Variants in ZNF267 observed in about 807,000 individuals in gnomAD.
ZNF267 encodes the protein zinc finger protein 267, also known as zinc finger (C2H2).
A neutral mutation model predicts 71.6 loss-of-function variants in ZNF267; 61 were observed. The observed-to-expected ratio is 0.85, with a 90% CI of 0.69 to 1.05. ZNF267 has a LOEUF of 1.05. ZNF267 is among the 50% of genes least tolerant of loss of function. The pLI is 0.00. For missense variants in ZNF267, 852 were observed against 870.0 expected (o/e 0.98, Z 0.26); for synonymous variants, 288 against 293.2 (o/e 0.98, Z 0.18).
Position 31,915,983 on chromosome 16 carries a change from T to A in ZNF267, c.1734T>A (p.Cys578Ter). The A allele has an allele frequency of 6.2e-7, 1 of 1,612,630 alleles. No homozygotes were observed. The highest frequency in any genetic ancestry group is 8.5e-7 in the Non-Finnish European group (1 of 1,178,952). The change falls in exon 4 of 4, where the codon TGT (cysteine) becomes TGA (stop). Residue 578 changes from cysteine (C) to a stop codon, truncating the protein, a stop_gained. Coordinates refer to ENST00000300870, the MANE Select transcript of ZNF267 (RefSeq NM_003414.6). LOFTEE classifies it high-confidence loss of function. ...RIHTGEKPYK[C>*]KACSKSFSDS... is the part of the protein sequence containing the mutation. ...ATACTGGAGAAAAACCATACAAATG[T>A]AAAGCATGTAGCAAATCTTTTAGTG... is the stretch of plus-strand genomic sequence containing the variant.
At position 31,914,581 on chromosome 16, in the gene ZNF267, T is replaced by C; in HGVS notation, c.332T>C (p.Leu111Ser). 1 of 1,614,138 alleles carries C rather than the reference T, an allele frequency of 6.2e-7. No individual in the cohort carries two copies. The highest frequency in any genetic ancestry group is 1.3e-5 in the African/African-American group (1 of 75,046). ...CATGGGAGCTGTGATCTTGAGAATT[T>C]ACATTTAAGAAAAAGGTGGAAAAGG... ...RRHGSCDLENLHLRKRWKREE... is the reference protein window; with the variant it reads ...RRHGSCDLENSHLRKRWKREE... The change falls in exon 4 of 4, where the codon TTA becomes TCA. Residue 111 changes from leucine (L) to serine (S), a missense_variant. Leu to Ser is a moderately radical substitution (Grantham distance 145, BLOSUM62 -2). Transcript: ENST00000300870.
chr16:31,899,141 A>G (rs1177013086), intron 3 of ZNF267, among the ~76,000 whole-genome samples: 2 of 152,204 alleles, frequency 1.3e-5, no homozygotes, highest in Non-Finnish European at 2.9e-5. Context: ...AAAATTAACA[A>G]GGATATCTAG....
intron 1 of ZNF267, chr16:31,874,230 C>T (rs1022040787): frequency 8.8e-6 from 4 of 455,478 alleles, no homozygotes; most frequent in Non-Finnish European, 1.6e-5. Context: ...TGGGCAGCTC[C>T]GCGTCGCAGC....
intron 3 of ZNF267, among the ~76,000 whole-genome samples, chr16:31,905,060 G>C (rs1280874969): frequency 6.6e-6 from 1 of 152,090 alleles, no homozygotes; most frequent in Admixed American, 6.6e-5. Context: ...AGTTTGGCTG[G>C]ATATGAAATT....
At chr16:31,878,926 T>C (rs2083871456) in intron 1 of ZNF267, among the ~76,000 whole-genome samples, 1 of 152,106 alleles carries the variant, frequency 6.6e-6, no homozygotes, top group South Asian at 2.1e-4. Flanking sequence ...TTCTTGAAAA[T>C]AAGGAAAGAA....
intron 3 of ZNF267, among the ~76,000 whole-genome samples, chr16:31,885,466 G>A (rs910581313): frequency 2.6e-5 from 4 of 152,150 alleles, no homozygotes; most frequent in South Asian, 2.1e-4. Flanking sequence ...TCTGTGATCC[G>A]CCATCATATT....
chr16:31,880,682 A>G (rs2083883784), intron 1 of ZNF267, among the ~76,000 whole-genome samples: 1 of 152,208 alleles, frequency 6.6e-6, no homozygotes, highest in Non-Finnish European at 1.5e-5. Context: ...TCCGTCTCAG[A>G]GGGAGAAGAA....
chr16:31,883,098 AT>A lies in ZNF267; in HGVS notation c.4-1399del, dbSNP rs2083900944. On this transcript the variant is annotated intron_variant, in intron 1 of 3. Transcript: ENST00000300870. Reference sequence around the variant, plus strand: ...TTATTTCATCTCATGTCACAAGCATATGCTTATTTATTCTCTATATTTTCAG... The same window carrying A: ...TTATTTCATCTCATGTCACAAGCATAGCTTATTTATTCTCTATATTTTCAG... Among the ~76,000 whole-genome samples the A allele has an allele frequency of 7.9e-5, 12 of 152,360 alleles. No homozygotes were observed. The South Asian group carries it at 2.5e-3, about 32-fold the overall frequency.
At chr16:31,912,743 C>T (rs2084144722) in intron 3 of ZNF267, 1 of 151,616 alleles carries the variant, frequency 6.6e-6, no homozygotes, top group Admixed American at 6.6e-5. Context: ...TTCAAATTGC[C>T]TATGTTCAAG....
intron 3 of ZNF267, among the ~76,000 whole-genome samples, chr16:31,889,410 C>T (rs1021038800): frequency 6.6e-6 from 1 of 152,064 alleles, no homozygotes; most frequent in African/African-American, 2.4e-5. Context: ...TCATTTTATA[C>T]TTCTGTCTTA....
chr16:31,885,331 T>C (rs534813862), intron 3 of ZNF267, 75 bp downstream of exon 3: 2 of 1,323,140 alleles, frequency 1.5e-6, no homozygotes, highest in East Asian at 2.6e-5. Context: ...CCTTGAAGTG[T>C]GGATTGGGAA....
At chr16:31,874,177 C>T in intron 1 of ZNF267, 1 of 546,994 alleles carries the variant, frequency 1.8e-6, no homozygotes. Context: ...CCTGTCCCAT[C>T]CCGACCCCGC....
chr16:31,895,951 A>G (rs2083995065), intron 3 of ZNF267, among the ~76,000 whole-genome samples: 2 of 152,104 alleles, frequency 1.3e-5, no homozygotes. Context: ...TTCATTTTGT[A>G]TTTAAACTCT....
chr16:31,888,910 G>A (rs2083941340), intron 3 of ZNF267, among the ~76,000 whole-genome samples: 1 of 151,936 alleles, frequency 6.6e-6, no homozygotes, highest in African/African-American at 2.4e-5. Flanking sequence ...GCTTGATACA[G>A]TTTACCCATG....
intron 1 of ZNF267, among the ~76,000 whole-genome samples, chr16:31,880,636 A>G (rs1198040114): frequency 5.3e-5 from 8 of 152,204 alleles, no homozygotes; most frequent in Admixed American, 2.0e-4. Flanking sequence ...TATCCTGTGC[A>G]GGCAGGGGAC....
intron 3 of ZNF267, chr16:31,913,813 G>C (rs771814504): frequency 3.3e-5 from 5 of 152,254 alleles, no homozygotes; most frequent in South Asian, 2.1e-4. Flanking sequence ...TATGATGACT[G>C]CTTCCACAAC....
intron 3 of ZNF267, among the ~76,000 whole-genome samples, chr16:31,899,156 T>C (rs1440542698): frequency 6.6e-6 from 1 of 152,164 alleles, no homozygotes; most frequent in Non-Finnish European, 1.5e-5. Context: ...ATCTAGGACT[T>C]GAAGTCAGCT....
At position 31,915,357 on chromosome 16, in the gene ZNF267, C is replaced by G; in HGVS notation, c.1108C>G (p.Gln370Glu). Reference sequence around the variant, plus strand: ...TAACTGTAGTTTATACCTTACTAAACAGCAGCAAATTGATACTGGAGAAAA... The same window carrying G: ...TAACTGTAGTTTATACCTTACTAAAGAGCAGCAAATTGATACTGGAGAAAA... Reference protein sequence around the residue: ...NLNCSLYLTKQQQIDTGENLY... With the variant: ...NLNCSLYLTKEQQIDTGENLY... Residue 370 changes from glutamine (Q) to glutamate (E), a missense_variant, in exon 4 of 4, where the codon CAG (glutamine) becomes GAG (glutamate). By Grantham distance (29) the Gln-to-Glu change is conservative. Coordinates refer to ENST00000300870, the MANE Select transcript of ZNF267 (RefSeq NM_003414.6). 1.2e-6 allele frequency: 2 copies of G among 1,613,472 alleles called. No homozygotes were observed. The highest frequency in any genetic ancestry group is 2.2e-5 in the East Asian group (1 of 44,830).
rs1421299496 is a variant in ZNF267 at position 31,916,237 on chromosome 16, AAGAATGTGG to A, written c.1989_1997del (p.Glu663_Gly666delinsAsp). ...ACTGGAGAGAGACCCTACAAATGTG[AAGAATGTGG>A]CAAAGCCTTCAACTCTAGGTCATAC... is the stretch of plus-strand genomic sequence containing the variant. On this transcript the variant is annotated inframe_deletion, in exon 4 of 4. Transcript: ENST00000300870. 2 of 1,614,180 alleles carry A rather than the reference AAGAATGTGG, an allele frequency of 1.2e-6. No individual in the cohort carries two copies. Among genetic ancestry groups the A allele is most frequent in the Admixed American group, 1.7e-5 (1 of 60,032 alleles).
Sources: gnomAD v4.1 joint callset for allele counts (sites outside exome capture counted in the v4.1 genomes callset) on GRCh38, gnomAD v4.1.1 for gene constraint, MANE v1.5 for transcripts, NCBI Gene and HGNC (gene_info 2026-07-23, HGNC 2026-07-21) for gene names.